DRD3: variants seen among roughly 807,000 people sequenced by gnomAD.
DRD3 encodes the protein dopamine receptor D3.
Under a neutral mutation model 36.3 loss-of-function variants are expected in DRD3, and 19 were observed. That is an observed-to-expected ratio of 0.52 (90% CI 0.36 to 0.77). The LOEUF (loss-of-function observed/expected upper bound fraction) is 0.77. DRD3 is among the 30% of genes least tolerant of loss of function. The pLI is 0.00. For missense variants in DRD3, 465 were observed against 505.3 expected, an observed-to-expected ratio of 0.92 and a Z score of 0.77; for synonymous variants, 195 against 203.7, an observed-to-expected ratio of 0.96 and a Z score of 0.36.
chr3:114,154,245 A>C (rs2077644409), intron 3 of DRD3, among the ~76,000 whole-genome samples: 1 of 152,114 alleles, frequency 6.6e-6, no homozygotes. Context: ...AGCAGGATCT[A>C]TATGGTTGGT....
At chr3:114,156,896 T>G in intron 3 of DRD3, among the ~76,000 whole-genome samples, 1 of 149,738 alleles carries the variant, frequency 6.7e-6, no homozygotes, top group African/African-American at 2.5e-5. Flanking sequence ...TTTTCTTCTC[T>G]TTTCTTCCTT....
At chr3:114,138,271 A>G (rs9859762) in intron 5 of DRD3, among the ~76,000 whole-genome samples, 12,566 of 151,910 alleles carry the variant, frequency 0.083, 1,116 homozygotes, top group African/African-American at 0.23. Context: ...TACTCTGTCT[A>G]TGGAGCCCTT....
At chr3:114,193,040 G>A (rs893231737) in intron 1 of DRD3, among the ~76,000 whole-genome samples, 1 of 152,196 alleles carries the variant, frequency 6.6e-6, no homozygotes, top group Non-Finnish European at 1.5e-5. Context: ...AGCACTTTGG[G>A]AGGCCGAGGC....
At chr3:114,173,233 C>A (rs192612981) in intron 1 of DRD3, among the ~76,000 whole-genome samples, 87 of 152,188 alleles carry the variant, frequency 5.7e-4, no homozygotes, top group Admixed American at 9.2e-4. Flanking sequence ...GACTTCCCAG[C>A]CTTCAGAACT....
rs189086312 is a variant in DRD3 at position 114,138,062 on chromosome 3, G to A, written c.723+1438C>T. On this transcript the variant is annotated intron_variant, in intron 5 of 6. Coordinates refer to ENST00000383673, the MANE Select transcript of DRD3 (RefSeq NM_000796.6). Reference sequence around the variant, plus strand: ...TGGGCACCTGTAATCCCAGCTATTCGGGAGGCAGAGGCACGAGAATCGCTT... The same window carrying A: ...TGGGCACCTGTAATCCCAGCTATTCAGGAGGCAGAGGCACGAGAATCGCTT... Among the ~76,000 whole-genome samples, 7 of 149,996 alleles carry A rather than the reference G, an allele frequency of 4.7e-5. No homozygotes were observed. In the East Asian group the frequency reaches 5.9e-4, roughly 13 times the overall value.
intron 1 of DRD3, among the ~76,000 whole-genome samples, chr3:114,185,183 A>G (rs536657956): frequency 6.6e-6 from 1 of 152,224 alleles, no homozygotes; most frequent in African/African-American, 2.4e-5. Context: ...TATTTCTTCA[A>G]ATATTCTCCT....
chr3:114,147,172 G>A (rs1559986523), intron 4 of DRD3, among the ~76,000 whole-genome samples: 1 of 151,956 alleles, frequency 6.6e-6, no homozygotes, highest in African/African-American at 2.4e-5. Flanking sequence ...AAATAAAGAT[G>A]AGCCAGACTT....
intron 4 of DRD3, among the ~76,000 whole-genome samples, chr3:114,141,544 T>C (rs1419849687): frequency 6.6e-6 from 1 of 152,148 alleles, no homozygotes; most frequent in Non-Finnish European, 1.5e-5. Flanking sequence ...GACAGACTTA[T>C]AGGGAGCAAT....
upstream of DRD3, among the ~76,000 whole-genome samples, chr3:114,182,295 C>G (rs562472008): frequency 6.6e-6 from 1 of 152,118 alleles, no homozygotes; most frequent in Non-Finnish European, 1.5e-5. Flanking sequence ...TGCTGTAATA[C>G]AGTTCTTGAA....
chr3:114,146,505 G>GT (rs757111598), intron 4 of DRD3, among the ~76,000 whole-genome samples: 1 of 152,018 alleles, frequency 6.6e-6, no homozygotes, highest in Non-Finnish European at 1.5e-5. Flanking sequence ...ATCACTTGAG[G>GT]TCAGGAGTTT....
intron 1 of DRD3, among the ~76,000 whole-genome samples, chr3:114,190,927 C>G (rs949632398): frequency 1.3e-5 from 2 of 152,052 alleles, no homozygotes; most frequent in Non-Finnish European, 2.9e-5. Flanking sequence ...GGAAGACTCT[C>G]CAGAGAAGCG....
intron 4 of DRD3, among the ~76,000 whole-genome samples, chr3:114,146,288 A>AATTCAAATGGACAAAACC (rs1265954475): frequency 6.6e-6 from 1 of 152,218 alleles, no homozygotes; most frequent in African/African-American, 2.4e-5. Context: ...TGAATGAATC[A>AATTCAAATGGACAAAACC]ATTCAAATGG....
At chr3:114,156,240 A>G (rs186380037) in intron 3 of DRD3, among the ~76,000 whole-genome samples, 307 of 152,288 alleles carry the variant, frequency 2.0e-3, no homozygotes, top group Non-Finnish European at 3.2e-3. Flanking sequence ...TAAATCTCCA[A>G]CTACATCCCT....
intron 3 of DRD3, among the ~76,000 whole-genome samples, chr3:114,153,055 C>A (rs2077633205): frequency 6.6e-6 from 1 of 152,210 alleles, no homozygotes; most frequent in African/African-American, 2.4e-5. Context: ...CTCCGCTGAC[C>A]CCAGCACTGG....
chr3:114,134,737 G>A (rs1233905977), intron 5 of DRD3, among the ~76,000 whole-genome samples: 1 of 151,946 alleles, frequency 6.6e-6, no homozygotes, highest in Non-Finnish European at 1.5e-5. Context: ...TTTTTTAAAT[G>A]GTGGTCCACA....
intron 1 of DRD3, among the ~76,000 whole-genome samples, chr3:114,176,718 C>G (rs2077902912): frequency 2.0e-5 from 3 of 152,182 alleles, no homozygotes; most frequent in Admixed American, 2.0e-4. Context: ...ACTCATTTCA[C>G]AGATCTCTGG....
intron 4 of DRD3, among the ~76,000 whole-genome samples, chr3:114,143,164 A>G (rs1030922803): frequency 6.6e-6 from 1 of 152,264 alleles, no homozygotes; most frequent in Non-Finnish European, 1.5e-5. Context: ...TGTTAGCACA[A>G]TAGTTATTGA....
intron 3 of DRD3, among the ~76,000 whole-genome samples, chr3:114,156,474 T>C (rs2077668739): frequency 1.3e-5 from 2 of 152,158 alleles, no homozygotes; most frequent in South Asian, 4.1e-4. Context: ...TTGCCGTTTT[T>C]TTTTTCAAAA....
intron 5 of DRD3, among the ~76,000 whole-genome samples, chr3:114,135,940 C>T (rs531014753): frequency 2.6e-5 from 4 of 152,296 alleles, no homozygotes; most frequent in East Asian, 3.9e-4. Flanking sequence ...ATCTGCCCAT[C>T]CTGGCCTCTC....
Sources: allele counts gnomAD v4.1 joint callset (sites outside exome capture counted in the v4.1 genomes callset), GRCh38; gene constraint gnomAD v4.1.1; transcripts MANE v1.5; gene names NCBI Gene and HGNC (gene_info 2026-07-23, HGNC 2026-07-21).